SIN3B: variants seen among roughly 807,000 people sequenced by gnomAD.
The protein encoded by SIN3B is SIN3 transcription regulator family member B.
SIN3B carries 19 observed loss-of-function variants against 120.2 expected under a neutral mutation model. The observed-to-expected ratio is 0.16, with a 90% CI of 0.11 to 0.23. The LOEUF is 0.23. SIN3B is among the 10% of genes least tolerant of loss of function. The pLI is 1.00. For missense variants in SIN3B, 1,073 were observed against 1,573.0 expected (o/e 0.68, Z 5.38); for synonymous variants, 654 against 653.2 (o/e 1.00, Z -0.02).
At chr19:16,866,927 T>C (rs1315428174) in intron 12 of SIN3B, among the ~76,000 whole-genome samples, 2 of 152,124 alleles carry the variant, frequency 1.3e-5, no homozygotes, top group East Asian at 3.8e-4. Flanking sequence ...CAGCTAATTT[T>C]TATATTTTTA....
In SIN3B at chr19:16,862,618, G is replaced by A; in HGVS notation, c.1266+59G>A. 1 of 1,427,410 alleles carries A rather than the reference G, an allele frequency of 7.0e-7. No homozygotes were observed. The highest frequency in any genetic ancestry group is 1.2e-5 in the South Asian group (1 of 85,964). 88.4% of individuals were successfully genotyped at this position (1,427,410 alleles called of 1,614,324 possible). ...ATGGTGCATCCCCCACCCCTCCCCA[G>A]CAAACACCCGATACCCCCGTTATGA... On this transcript the variant is annotated intron_variant, in intron 9 of 18. Transcript: ENST00000248054. This position sits in a 1 kb window ranked among gnomAD's most constrained non-coding sequence, Gnocchi z 4.7.
rs1475092767 is a variant in SIN3B, at chr19:16,862,286, A to C, written c.1059-66A>C. 1 of 1,299,872 alleles carries C rather than the reference A, an allele frequency of 7.7e-7. No homozygotes were observed. Among genetic ancestry groups the C allele is most frequent in the East Asian group, 2.3e-5 (1 of 42,966 alleles). 80.5% of individuals were successfully genotyped at this position (1,299,872 alleles called of 1,614,324 possible). A position where few individuals can be genotyped will look rare whatever the true frequency, so the allele number is the denominator to read the frequency against. The stretch of plus-strand genomic sequence containing the variant: ...GTAATGTCCACATGAAGCCATTCTA[A>C]AATCTCCAGATCCCTCTCAGAAGGC... On this transcript the variant is annotated intron_variant, in intron 8 of 18. Coordinates refer to ENST00000248054, the MANE Select transcript of SIN3B (RefSeq NM_001297595.2). This position sits in a 1 kb window ranked among gnomAD's most constrained non-coding sequence, Gnocchi z 4.7.
At chr19:16,845,449 T>C (rs980647585) in intron 4 of SIN3B, among the ~76,000 whole-genome samples, 1 of 151,836 alleles carries the variant, frequency 6.6e-6, no homozygotes, top group Non-Finnish European at 1.5e-5. Context: ...ATTTTTGTAT[T>C]TTTAGTAGAG....
At chr19:16,866,606 TC>T in intron 12 of SIN3B, 50 bp downstream of exon 12, 1 of 1,569,058 alleles carries the variant, frequency 6.4e-7, no homozygotes, top group South Asian at 1.1e-5. Flanking sequence ...GTCCTGGCTC[TC>T]CCGACCGCCG....
At chr19:16,878,052 A>G (rs2144636595) in intron 17 of SIN3B, 131 bp from the exon 18 acceptor site, 3 of 753,410 alleles carry the variant, frequency 4.0e-6, no homozygotes, top group Non-Finnish European at 6.3e-6. Context: ...TGTTGCTTCC[A>G]TTTGCTTTCT....
At chr19:16,851,280 A>G in intron 5 of SIN3B, 132 bp from the exon 6 acceptor site, 3 of 1,015,734 alleles carry the variant, frequency 3.0e-6, no homozygotes, top group Non-Finnish European at 4.2e-6. Flanking sequence ...GCATGGACGG[A>G]GCATCTGGCC....
At chr19:16,864,227 G>A (rs900682585) in intron 10 of SIN3B, among the ~76,000 whole-genome samples, 5 of 152,144 alleles carry the variant, frequency 3.3e-5, no homozygotes, top group Non-Finnish European at 4.4e-5. Context: ...CAGAGAGGCC[G>A]AGGCTGCAGT....
In SIN3B at chr19:16,865,553, C is replaced by T; in HGVS notation, c.1527C>T (p.Arg509=). 1 of 1,613,818 alleles carries T rather than the reference C, an allele frequency of 6.2e-7. No individual in the cohort carries two copies. Among genetic ancestry groups the T allele is most frequent in the Non-Finnish European group, 8.5e-7 (1 of 1,179,850 alleles). ...SLGGTSEVIQ[R]RAIYRIYGDK... is the part of the protein sequence containing the mutation. ...GAGGCACGTCGGAGGTGATCCAGCG[C>T]CGTGCCATTTATCGCATCTATGGCG... The change falls in exon 11 of 19, where the codon CGC becomes CGT. Residue 509 remains arginine (R), a synonymous_variant. Coordinates refer to ENST00000248054, the MANE Select transcript of SIN3B (RefSeq NM_001297595.2).
At chr19:16,874,316 T>TTGGTC (rs923515601) in intron 14 of SIN3B, among the ~76,000 whole-genome samples, 1 of 151,746 alleles carries the variant, frequency 6.6e-6, no homozygotes, top group Non-Finnish European at 1.5e-5. Flanking sequence ...TGGTCTAGTT[T>TTGGTC]TGGTCTGGTC....
chr19:16,844,675 C>T (rs1749395190), intron 4 of SIN3B, among the ~76,000 whole-genome samples: 1 of 152,236 alleles, frequency 6.6e-6, no homozygotes, highest in Non-Finnish European at 1.5e-5. Flanking sequence ...TCAAAAACTT[C>T]CTCAGGGACA....
intron 3 of SIN3B, among the ~76,000 whole-genome samples, chr19:16,834,984 T>C (rs1486681472): frequency 1.3e-5 from 2 of 151,374 alleles, no homozygotes; most frequent in Non-Finnish European, 2.9e-5. Context: ...TGGAGTGCAA[T>C]GACACAATCT....
At chr19:16,832,500 C>CTTT (rs769025487) in intron 3 of SIN3B, among the ~76,000 whole-genome samples, 2 of 129,538 alleles carry the variant, frequency 1.5e-5, no homozygotes, top group African/African-American at 2.9e-5. Context: ...GCCCAGCCTC[C>CTTT]TTTTTTTTTT....
rs1971582054 is a variant in SIN3B, at chr19:16,854,165, A to G, written c.962A>G (p.Gln321Arg). 1.2e-6 allele frequency: 2 copies of G among 1,612,178 alleles called. No individual in the cohort carries two copies. The highest frequency in any genetic ancestry group is 3.3e-5 in the Admixed American group (2 of 59,972). The change falls in exon 8 of 19, where the codon CAG becomes CGG. Residue 321 changes from glutamine to arginine, a missense_variant. By Grantham distance (43) the Gln-to-Arg change is conservative. Transcript: ENST00000248054. ...FDKVRRVLKS[Q>R]EVYENFLRCI... ...CAGGTCCGCCGGGTGCTGAAGAGCC[A>G]GGAGGTGTATGAAAACTTCCTCCGC...
chr19:16,851,267 C>A (rs1971541210), intron 5 of SIN3B, 145 bp from the exon 6 acceptor site: 1 of 832,324 alleles, frequency 1.2e-6, no homozygotes, highest in Admixed American at 3.4e-5. Flanking sequence ...GGAGTCACCT[C>A]ACGCATGGAC....
chr19:16,878,797 G>C lies in SIN3B; in HGVS notation c.*70G>C, dbSNP rs1282998096. 5 of 1,386,650 alleles carry C rather than the reference G, an allele frequency of 3.6e-6. No homozygotes were observed. The highest frequency in any genetic ancestry group is 4.9e-6 in the Non-Finnish European group (5 of 1,026,836). The allele number at this position is 1,386,650 out of a possible 1,614,324, so 85.9% of individuals were successfully genotyped here. ...GTGCCCTCGGCCTTGGTCGTGTCGG[G>C]GCCGTTTTCTTGAACGACGTGAGAG... On this transcript the variant is annotated 3_prime_UTR_variant, in exon 19 of 19. Coordinates refer to ENST00000248054, the MANE Select transcript of SIN3B (RefSeq NM_001297595.2).
intron 3 of SIN3B, among the ~76,000 whole-genome samples, chr19:16,837,041 A>T (rs1971357792): frequency 6.6e-6 from 1 of 151,880 alleles, no homozygotes; most frequent in East Asian, 1.9e-4. Flanking sequence ...GGCGCATGGG[A>T]GAGGGCAGAG....
In SIN3B at chr19:16,877,583, G is replaced by A; in HGVS notation, c.2898G>A (p.Glu966=). Residue 966 remains glutamate (E), a synonymous_variant, in exon 17 of 19, where the codon GAG becomes GAA. Coordinates refer to ENST00000248054, the MANE Select transcript of SIN3B (RefSeq NM_001297595.2). Reference sequence around the variant, plus strand: ...ACGTGGAGCAGTATGTGGGGACCGAGGGCGCGTCCAGCTCGCCCACTGAGG... The same window carrying A: ...ACGTGGAGCAGTATGTGGGGACCGAAGGCGCGTCCAGCTCGCCCACTGAGG... ...ARYVEQYVGT[E]GASSSPTEGF... The A allele has an allele frequency of 6.2e-7, 1 of 1,612,370 alleles. No homozygotes were observed. Among genetic ancestry groups the A allele is most frequent in the South Asian group, 1.1e-5 (1 of 90,442 alleles).
chr19:16,847,199 C>G, intron 5 of SIN3B, 86 bp downstream of exon 5: 3 of 1,452,238 alleles, frequency 2.1e-6, no homozygotes, highest in Non-Finnish European at 2.8e-6. Flanking sequence ...CCGGGCCAAG[C>G]CTATGTACCC....
chr19:16,857,774 G>A (rs957486218), intron 8 of SIN3B, among the ~76,000 whole-genome samples: 28 of 152,100 alleles, frequency 1.8e-4, no homozygotes, highest in African/African-American at 6.0e-4. Context: ...CACTAATGAC[G>A]GCACAGCCAC....
Sources: gnomAD v4.1 joint callset for allele counts (sites outside exome capture counted in the v4.1 genomes callset) on GRCh38, gnomAD v4.1.1 for gene constraint, Gnocchi (gnomAD v3.1) non-coding constraint, MANE v1.5 for transcripts, NCBI Gene and HGNC (gene_info 2026-07-23, HGNC 2026-07-21) for gene names.